PCDH15: variants seen among roughly 807,000 people sequenced by gnomAD.
PCDH15 encodes protocadherin-15.
PCDH15 carries 129 observed loss-of-function variants against 178.5 expected under a neutral mutation model. The observed-to-expected ratio is 0.72, with a 90% confidence interval of 0.63 to 0.84. The LOEUF is 0.84. Ranked by LOEUF, PCDH15 falls within the 40% of genes least tolerant of loss-of-function variation. PCDH15 has a pLI of 0.00. For missense variants in PCDH15, 2,230 were observed against 2,099.9 expected (o/e 1.06, Z -1.21); for synonymous variants, 800 against 732.0 (o/e 1.09, Z -1.50).
intron 2 of PCDH15, among the ~76,000 whole-genome samples, chr10:55,124,499 G>T (rs1284860471): frequency 6.6e-6 from 1 of 152,014 alleles, no homozygotes; most frequent in African/African-American, 2.4e-5. Context: ...AGCATATATT[G>T]ACAGCTATAA....
At chr10:54,821,838 A>AT (rs1953046724) in intron 3 of PCDH15, among the ~76,000 whole-genome samples, 6 of 152,006 alleles carry the variant, frequency 3.9e-5, no homozygotes, top group African/African-American at 1.4e-4. Flanking sequence ...ATTTTGGAGG[A>AT]ATTTTTTTTT....
chr10:55,601,880 G>C (rs949687643), intron 2 of PCDH15, among the ~76,000 whole-genome samples: 19 of 152,106 alleles, frequency 1.2e-4, no homozygotes, highest in Non-Finnish European at 4.4e-5. Flanking sequence ...CACACGGGGG[G>C]AGGAGCCAAG....
intron 9 of PCDH15, among the ~76,000 whole-genome samples, chr10:54,234,117 C>T (rs1020454220): frequency 1.8e-4 from 26 of 146,120 alleles, no homozygotes; most frequent in African/African-American, 6.2e-4. Flanking sequence ...AAGTCAGAGT[C>T]ATGGATATCC....
chr10:54,586,520 T>C (rs2091479607), intron 2 of PCDH15, among the ~76,000 whole-genome samples: 1 of 152,234 alleles, frequency 6.6e-6, no homozygotes, highest in Admixed American at 6.5e-5. Flanking sequence ...ATAGACCATA[T>C]CATATTTTTT....
At chr10:54,339,181 T>C (rs1157434252) in intron 6 of PCDH15, among the ~76,000 whole-genome samples, 4 of 152,212 alleles carry the variant, frequency 2.6e-5, no homozygotes, top group African/African-American at 9.6e-5. Flanking sequence ...ATAAGATTTA[T>C]TTGTGATTTT....
At chr10:54,926,443 G>C (rs933580907) in intron 2 of PCDH15, among the ~76,000 whole-genome samples, 2 of 151,982 alleles carry the variant, frequency 1.3e-5, no homozygotes, top group African/African-American at 4.8e-5. Flanking sequence ...CCTGGTTTTT[G>C]TATGAGGATG....
At chr10:54,848,035 C>T (rs1953543861) in intron 3 of PCDH15, among the ~76,000 whole-genome samples, 1 of 152,126 alleles carries the variant, frequency 6.6e-6, no homozygotes, top group Non-Finnish European at 1.5e-5. Flanking sequence ...TGGGAGGTGA[C>T]TGAATCATGA....
chr10:54,342,678 G>A (rs1487756168), intron 6 of PCDH15, among the ~76,000 whole-genome samples: 1 of 152,168 alleles, frequency 6.6e-6, no homozygotes, highest in Non-Finnish European at 1.5e-5. Context: ...TCATGTGCTT[G>A]GAAAAACCAC....
chr10:54,538,481 T>C (rs2084823786), intron 2 of PCDH15, among the ~76,000 whole-genome samples: 1 of 152,218 alleles, frequency 6.6e-6, no homozygotes, highest in Non-Finnish European at 1.5e-5. Context: ...GTCTATTTTG[T>C]ACCAATAACA....
intron 15 of PCDH15, among the ~76,000 whole-genome samples, chr10:54,132,023 T>TC (rs1469793358): frequency 6.6e-6 from 1 of 152,120 alleles, no homozygotes; most frequent in Non-Finnish European, 1.5e-5. Flanking sequence ...CATGTTAAAA[T>TC]CTCCCCTAGG....
chr10:55,005,933 G>A (rs1267407390), intron 2 of PCDH15, among the ~76,000 whole-genome samples: 1 of 151,684 alleles, frequency 6.6e-6, no homozygotes, highest in Non-Finnish European at 1.5e-5. Context: ...AGAGTTGTCT[G>A]TTATAAATAC....
chr10:55,313,002 A>T (rs1228930911), intron 1 of PCDH15, among the ~76,000 whole-genome samples: 1 of 152,190 alleles, frequency 6.6e-6, no homozygotes, highest in Non-Finnish European at 1.5e-5. Flanking sequence ...TAAGAAATAG[A>T]ATTCTTAAAT....
At chr10:54,307,245 T>G (rs1226661427) in intron 8 of PCDH15, among the ~76,000 whole-genome samples, 4 of 147,184 alleles carry the variant, frequency 2.7e-5, no homozygotes, top group Admixed American at 2.1e-4. Flanking sequence ...TGAGGATTTC[T>G]GATTTTTAAT....
intron 1 of PCDH15, among the ~76,000 whole-genome samples, chr10:54,690,822 T>C (rs1274680762): frequency 6.6e-6 from 1 of 151,958 alleles, no homozygotes. Flanking sequence ...TATCTCAGTG[T>C]CCCTAGAAAA....
chr10:54,689,723 A>G (rs2135774832), intron 1 of PCDH15, among the ~76,000 whole-genome samples: 1 of 152,336 alleles, frequency 6.6e-6, no homozygotes, highest in East Asian at 1.9e-4. Context: ...AAGGCAGTGA[A>G]GACATGATCT....
chr10:54,821,285 A>G (rs1386591876), intron 3 of PCDH15, among the ~76,000 whole-genome samples: 2 of 152,110 alleles, frequency 1.3e-5, no homozygotes, highest in African/African-American at 2.4e-5. Flanking sequence ...ATACCTAAGT[A>G]TAGTGTTTTG....
chr10:55,245,864 G>C (rs1318528222), intron 1 of PCDH15, among the ~76,000 whole-genome samples: 1 of 152,168 alleles, frequency 6.6e-6, no homozygotes. Flanking sequence ...TTAGATCAGA[G>C]TAGACAGCAA....
rs73242242 is a variant in PCDH15, at chr10:53,884,447, G to A, written c.3502-17590C>T. ...AATGACCCCAAATCACACAGTTGGTGAGCAGAACATATAGTCTTTAACTCC... is the reference window on the plus strand; with the variant it reads ...AATGACCCCAAATCACACAGTTGGTAAGCAGAACATATAGTCTTTAACTCC... On this transcript the variant is annotated intron_variant, in intron 26 of 37. Coordinates refer to ENST00000644397, the MANE Select transcript of PCDH15 (RefSeq NM_001384140.1). Among the ~76,000 whole-genome samples the A allele has an allele frequency of 5.1e-3, 781 of 152,244 alleles. 8 individuals are homozygous for A. Among genetic ancestry groups the A allele is most frequent in the African/African-American group, 0.018 (731 of 41,540 alleles).
intron 2 of PCDH15, chr10:55,513,046 T>A (rs1457699695): frequency 6.6e-6 from 1 of 152,162 alleles, no homozygotes; most frequent in Non-Finnish European, 1.5e-5. Flanking sequence ...GGTGATTAAT[T>A]GATTGACTGA....
Sources: allele counts gnomAD v4.1 joint callset (sites outside exome capture counted in the v4.1 genomes callset), GRCh38; gene constraint gnomAD v4.1.1; transcripts MANE v1.5; gene names NCBI Gene and HGNC (gene_info 2026-07-23, HGNC 2026-07-21).